Variants in ANK3 observed in about 807,000 individuals in gnomAD.
ANK3 encodes the protein ankyrin-3.
ANK3 carries 57 observed loss-of-function variants against 370.9 expected under a neutral mutation model. The ratio of observed to expected loss-of-function variants is 0.15; its 90% confidence interval spans 0.12 to 0.19. The LOEUF is 0.19. ANK3 is among the 10% of genes least tolerant of loss of function. The pLI is 1.00. For synonymous variants in ANK3, 1,929 were observed against 1,946.3 expected, an observed-to-expected ratio of 0.99 and a Z score of 0.23; for missense variants, 4,439 against 5,302.1, an observed-to-expected ratio of 0.84 and a Z score of 5.06.
At chr10:60,049,704 C>T (rs764112790) in intron 42 of ANK3, among the ~76,000 whole-genome samples, 4 of 152,100 alleles carry the variant, frequency 2.6e-5, no homozygotes, top group Non-Finnish European at 5.9e-5. Flanking sequence ...ATGTTATAAT[C>T]ATATTTTAAG....
chr10:60,658,656 A>G (rs1482822932), intron 1 of ANK3, among the ~76,000 whole-genome samples: 1 of 152,144 alleles, frequency 6.6e-6, no homozygotes, highest in East Asian at 1.9e-4. Context: ...TGCAGCTGGT[A>G]TCATTTCCCT....
At chr10:60,732,700 AAAC>A (rs1314873593) in intron 1 of ANK3, among the ~76,000 whole-genome samples, 10 of 151,892 alleles carry the variant, frequency 6.6e-5, no homozygotes, top group African/African-American at 2.2e-4. Flanking sequence ...AAAACAAAAC[AAAC>A]AACAACAAAA....
chr10:60,177,931 C>A (rs191191134), intron 18 of ANK3, among the ~76,000 whole-genome samples: 1 of 152,252 alleles, frequency 6.6e-6, no homozygotes, highest in East Asian at 1.9e-4. Context: ...TTCTCAGTGT[C>A]TCATCTGCCA....
intron 1 of ANK3, among the ~76,000 whole-genome samples, chr10:60,664,120 C>T (rs916333964): frequency 6.6e-6 from 1 of 152,190 alleles, no homozygotes; most frequent in East Asian, 1.9e-4. Context: ...AAAGAGGACA[C>T]GTGAGATAGC....
intron 8 of ANK3, among the ~76,000 whole-genome samples, chr10:60,219,212 A>G (rs1024252304): frequency 6.6e-6 from 1 of 151,748 alleles, no homozygotes; most frequent in Non-Finnish European, 1.5e-5. Flanking sequence ...GCTTCTTTGT[A>G]TTGGTTTAGA....
At position 60,648,897 on chromosome 10, in the gene ANK3, C is replaced by T. The variant is rs188680036; in HGVS notation, c.58-33673G>A. 2.6e-3 allele frequency among the ~76,000 whole-genome samples: 395 copies of T among 151,962 alleles called. 3 individuals are homozygous for T. Among genetic ancestry groups the T allele is most frequent in the African/African-American group, 9.1e-3 (378 of 41,450 alleles). On this transcript the variant is annotated intron_variant, in intron 1 of 43. Transcript: ENST00000373827. ...GCTCCTGCTCCTGCTCCTGCTCCCCCAAAACCAAGGAGAATCTGCTAGTCA... is the reference window on the plus strand; with the variant it reads ...GCTCCTGCTCCTGCTCCTGCTCCCCTAAAACCAAGGAGAATCTGCTAGTCA...
At chr10:60,459,959 C>T (rs747878882) in intron 2 of ANK3, among the ~76,000 whole-genome samples, 3 of 152,066 alleles carry the variant, frequency 2.0e-5, no homozygotes, top group Non-Finnish European at 4.4e-5. Flanking sequence ...AAAGCAGAGT[C>T]GAGCATATGA....
At position 60,407,804 on chromosome 10, in the gene ANK3, A is replaced by G. The variant is rs560505681; in HGVS notation, c.97-128165T>C. Among the ~76,000 whole-genome samples, 5 of 152,338 alleles carry G rather than the reference A, an allele frequency of 3.3e-5. No individual in the cohort carries two copies. The South Asian group carries it at 1.0e-3, about 32-fold the overall frequency. ...AATAAATATTATGACTGGATATTTT[A>G]TGTCACACATTTAATGAATTTCTGC... is the stretch of plus-strand genomic sequence containing the variant. On this transcript the variant is annotated intron_variant, in intron 2 of 43. Coordinates refer to the ANK3 transcript ENST00000373827.
At chr10:60,469,087 ATATATATACCACTTTTAG>A (rs2065098110) in intron 2 of ANK3, among the ~76,000 whole-genome samples, 5 of 68,102 alleles carry the variant, frequency 7.3e-5, no homozygotes, top group Non-Finnish European at 1.4e-4. Context: ...ATATATATAT[ATATATATACCACTTTTAG>A]TATATATATA....
intron 2 of ANK3, among the ~76,000 whole-genome samples, chr10:60,426,389 C>A (rs1567030874): frequency 2.6e-5 from 4 of 152,130 alleles, no homozygotes. Flanking sequence ...AATTTAATAA[C>A]CTATACAAAG....
chr10:60,530,492 T>C (rs2076579402), intron 2 of ANK3, among the ~76,000 whole-genome samples: 1 of 151,336 alleles, frequency 6.6e-6, no homozygotes, highest in Admixed American at 6.6e-5. Context: ...ACAAATTTTA[T>C]AGATAAGAAA....
chr10:60,609,857 C>A (rs2078178415), intron 2 of ANK3, among the ~76,000 whole-genome samples: 1 of 152,050 alleles, frequency 6.6e-6, no homozygotes, highest in South Asian at 2.1e-4. Context: ...AAAATATGAT[C>A]CTTAATTGTG....
intron 11 of ANK3, among the ~76,000 whole-genome samples, chr10:60,204,391 A>T (rs910623140): frequency 3.3e-5 from 5 of 152,184 alleles, no homozygotes; most frequent in African/African-American, 1.2e-4. Context: ...CTTATCTCTA[A>T]GAGGGTTCCT....
intron 2 of ANK3, among the ~76,000 whole-genome samples, chr10:60,498,811 A>G (rs957346621): frequency 2.0e-4 from 31 of 152,344 alleles, no homozygotes; most frequent in African/African-American, 6.5e-4. Context: ...TTACTATTGT[A>G]TGTCATTAAA....
At chr10:60,242,791 C>T (rs1421806199) in intron 7 of ANK3, among the ~76,000 whole-genome samples, 1 of 152,134 alleles carries the variant, frequency 6.6e-6, no homozygotes, top group African/African-American at 2.4e-5. Flanking sequence ...ATTTAATATA[C>T]ACAACAACCC....
chr10:60,242,483 G>T (rs2097480943), intron 7 of ANK3, among the ~76,000 whole-genome samples: 1 of 152,080 alleles, frequency 6.6e-6, no homozygotes, highest in Non-Finnish European at 1.5e-5. Context: ...TAATGAATTG[G>T]GTAGGGGGAG....
At chr10:60,306,500 A>G (rs1351874267) in intron 1 of ANK3, among the ~76,000 whole-genome samples, 1 of 151,456 alleles carries the variant, frequency 6.6e-6, no homozygotes, top group African/African-American at 2.4e-5. Flanking sequence ...GGTTGGTTCC[A>G]TATCTTTGCA....
At chr10:60,260,018 CTGA>C (rs1190117688) in intron 7 of ANK3, among the ~76,000 whole-genome samples, 1 of 152,178 alleles carries the variant, frequency 6.6e-6, no homozygotes, top group African/African-American at 2.4e-5. Context: ...GTCATTTAAA[CTGA>C]TGAAGGCTTT....
chr10:60,364,544 G>T (rs541332776), intron 1 of ANK3, among the ~76,000 whole-genome samples: 6 of 152,018 alleles, frequency 3.9e-5, no homozygotes, highest in Admixed American at 1.3e-4. Flanking sequence ...GGCCTGTTGG[G>T]GGGTGGGAGG....
Sources: gnomAD v4.1 joint callset for allele counts (sites outside exome capture counted in the v4.1 genomes callset) on GRCh38, gnomAD v4.1.1 for gene constraint, MANE v1.5 for transcripts, NCBI Gene and HGNC (gene_info 2026-07-23, HGNC 2026-07-21) for gene names.